The following LDLRAD4 variants were observed in gnomAD, a reference collection of about 807,000 sequenced individuals.
The protein encoded by LDLRAD4 is low-density lipoprotein receptor class A domain-containing protein 4.
LDLRAD4 carries 5 observed loss-of-function variants against 17.0 expected under a neutral mutation model. The observed-to-expected ratio is 0.29, with a 90% CI of 0.15 to 0.62. LDLRAD4 has a LOEUF of 0.62. LDLRAD4 is among the 20% of genes least tolerant of loss of function. The pLI is 0.84. For synonymous variants in LDLRAD4, 168 were observed against 171.8 expected (o/e 0.98, Z 0.17); for missense variants, 340 against 424.7 (o/e 0.80, Z 1.75).
In LDLRAD4 at chr18:13,612,979, T is replaced by C. The variant is rs557071489; in HGVS notation, c.182-8138T>C. The C allele has an allele frequency of 5.5e-4, 310 of 563,484 alleles. 2 individuals are homozygous for C. In the South Asian group the frequency reaches 6.9e-3, roughly 12 times the overall value. The allele number at this position is 563,484 out of a possible 1,614,324, so 34.9% of individuals were successfully genotyped here. On this transcript the variant is annotated intron_variant, in intron 3 of 5. Transcript: ENST00000359446. ...AGATGCATGTCAGGCTTTTTCATCT[T>C]CTTTCAAGCCTGGAATTAGTTTGTT...
chr18:13,610,695 G>C (rs1249113627), intron 3 of LDLRAD4, among the ~76,000 whole-genome samples: 1 of 152,212 alleles, frequency 6.6e-6, no homozygotes, highest in Non-Finnish European at 1.5e-5. Context: ...TGACCAGGAA[G>C]TGCTGGCCCA....
intron 3 of LDLRAD4, among the ~76,000 whole-genome samples, chr18:13,469,528 C>G (rs972643176): frequency 1.3e-5 from 2 of 152,110 alleles, no homozygotes; most frequent in African/African-American, 4.8e-5. Context: ...GGTATATACA[C>G]GTGATGAAAT....
chr18:13,226,029 T>TA (rs2041766899), intron 1 of LDLRAD4, among the ~76,000 whole-genome samples: 1 of 151,998 alleles, frequency 6.6e-6, no homozygotes, highest in African/African-American at 2.4e-5. Flanking sequence ...CTTGATAATT[T>TA]AAAAAAATGG....
chr18:13,309,322 C>T (rs944422807), intron 1 of LDLRAD4, among the ~76,000 whole-genome samples: 2 of 152,152 alleles, frequency 1.3e-5, no homozygotes, highest in Non-Finnish European at 1.5e-5. Context: ...CATCAAGTGG[C>T]CTTGGGAATT....
In LDLRAD4 at chr18:13,440,409, A is replaced by G. The variant is rs549874932; in HGVS notation, c.181+2025A>G. Among the ~76,000 whole-genome samples, 4 of 152,332 alleles carry G rather than the reference A, an allele frequency of 2.6e-5. No homozygotes were observed. Among genetic ancestry groups the G allele is most frequent in the East Asian group, 3.9e-4 (2 of 5,184 alleles). On this transcript the variant is annotated intron_variant, in intron 3 of 5. Transcript: ENST00000359446. This position sits in a 1 kb window ranked among gnomAD's most constrained non-coding sequence, Gnocchi z 4.4. ...AGCCGAGGGAGCAGTTACATCCATC[A>G]GTGGCTCAACTTTGCCCTAACAGAG... is the stretch of plus-strand genomic sequence containing the variant.
At position 13,262,974 on chromosome 18, in the gene LDLRAD4, T is replaced by TGTGGGGGCTGAGTCCCGTGCGGCTCCGTG. The variant is rs2043982762; in HGVS notation, c.-466-15131_-466-15130insGTGGGGGCTGAGTCCCGTGCGGCTCCGTG. 6.1e-4 allele frequency among the ~76,000 whole-genome samples: 7 copies of TGTGGGGGCTGAGTCCCGTGCGGCTCCGTG among 11,480 alleles called. 2 individuals are homozygous for TGTGGGGGCTGAGTCCCGTGCGGCTCCGTG. Among genetic ancestry groups the TGTGGGGGCTGAGTCCCGTGCGGCTCCGTG allele is most frequent in the African/African-American group, 2.7e-3 (6 of 2,224 alleles). 7.5% of individuals were successfully genotyped at this position (11,480 alleles called of 152,430 possible). A position where few individuals can be genotyped will look rare whatever the true frequency, so the allele number is the denominator to read the frequency against. On this transcript the variant is annotated intron_variant, in intron 1 of 5. Coordinates refer to the LDLRAD4 transcript ENST00000399848. ...GGGGCTGAGTCCCGTGCGGCTCTGT[T>TGTGGGGGCTGAGTCCCGTGCGGCTCCGTG]TGTGGGGGTTGAGTCCCGTGCGGCT...
rs150987893 is a variant in LDLRAD4 at position 13,622,004 on chromosome 18, G to T, written c.336+733G>T. Among the ~76,000 whole-genome samples, 132 of 152,316 alleles carry T rather than the reference G, an allele frequency of 8.7e-4. 1 individual carries two copies. Among genetic ancestry groups the T allele is most frequent in the African/African-American group, 2.8e-3 (117 of 41,570 alleles). On this transcript the variant is annotated intron_variant, in intron 4 of 5. Transcript: ENST00000359446. The surrounding 1 kb of genome is among the most constrained non-coding windows in gnomAD (Gnocchi z 5.3). ...GGCTTCCAGCCAGAGGGTTAGGAGCGGTGAGTTCAGCGAGCGTATAAATCC... is the reference window on the plus strand; with the variant it reads ...GGCTTCCAGCCAGAGGGTTAGGAGCTGTGAGTTCAGCGAGCGTATAAATCC...
At position 13,431,640 on chromosome 18, in the gene LDLRAD4, A is replaced by G. The variant is rs144630162; in HGVS notation, c.41-6604A>G. ...TGAGACCCATTAAAATCATCTTTTC[A>G]GCACCATAATGGGAGCGACAAACCA... On this transcript the variant is annotated intron_variant, in intron 2 of 5. Transcript: ENST00000359446. Among the ~76,000 whole-genome samples the G allele has an allele frequency of 2.3e-4, 35 of 152,350 alleles. No homozygotes were observed. In the East Asian group the frequency reaches 5.2e-3, roughly 23 times the overall value.
At chr18:13,628,652 C>G (rs1311968774) in intron 4 of LDLRAD4, among the ~76,000 whole-genome samples, 1 of 152,192 alleles carries the variant, frequency 6.6e-6, no homozygotes, top group African/African-American at 2.4e-5. Context: ...AACAGGAGGC[C>G]AAGCGGCCCG....
intron 3 of LDLRAD4, among the ~76,000 whole-genome samples, chr18:13,582,313 T>C (rs2094872537): frequency 6.6e-6 from 1 of 152,182 alleles, no homozygotes; most frequent in Admixed American, 6.5e-5. Flanking sequence ...TGTATATCAG[T>C]TCTGTGTGCA....
chr18:13,382,749 T>G (rs531132512), intron 1 of LDLRAD4: 2 of 152,172 alleles, frequency 1.3e-5, no homozygotes, highest in East Asian at 3.9e-4. Flanking sequence ...CTTCCTGTAT[T>G]CCCCCCTCTC....
rs1568082768 is a variant in LDLRAD4, at chr18:13,386,931, GATAGATAGATA to G, written c.-382-409_-382-399del. On this transcript the variant is annotated intron_variant, in intron 1 of 5. Transcript: ENST00000359446. ...AGATAGATAGATAGATAGATAGATA[GATAGATAGATA>G]GATAGATGGATGGATGGATAGATAA... is the stretch of plus-strand genomic sequence containing the variant. Among the ~76,000 whole-genome samples, 59 of 143,750 alleles carry G rather than the reference GATAGATAGATA, an allele frequency of 4.1e-4. 1 individual carries two copies. In the East Asian group the frequency reaches 1.0e-2, roughly 24 times the overall value. The allele number at this position is 143,750 out of a possible 152,430, so 94.3% of individuals were successfully genotyped here.
chr18:13,370,715 T>TTGTTTTTTTGTTTG, intron 1 of LDLRAD4, among the ~76,000 whole-genome samples: 1 of 121,004 alleles, frequency 8.3e-6, no homozygotes, highest in South Asian at 2.6e-4. Context: ...TTTGTTTTGT[T>TTGTTTTTTTGTTTG]TTTTTTTTTT....
intron 3 of LDLRAD4, among the ~76,000 whole-genome samples, chr18:13,449,575 T>A (rs2091655059): frequency 6.6e-6 from 1 of 152,230 alleles, no homozygotes; most frequent in Non-Finnish European, 1.5e-5. Context: ...AAGGCCCCTG[T>A]CTTCCTGCGG....
upstream of LDLRAD4, among the ~76,000 whole-genome samples, chr18:13,276,551 A>G (rs926171703): frequency 2.0e-5 from 3 of 152,136 alleles, no homozygotes; most frequent in African/African-American, 7.2e-5. Flanking sequence ...GAATTCATTG[A>G]CTTGTAACTG....
chr18:13,356,876 G>A (rs570391916), intron 1 of LDLRAD4, among the ~76,000 whole-genome samples: 2 of 152,354 alleles, frequency 1.3e-5, no homozygotes, highest in East Asian at 3.8e-4. Flanking sequence ...GCTCACGCCT[G>A]TAATCCCAGC....
At position 13,645,811 on chromosome 18, in the gene LDLRAD4, G is replaced by T; in HGVS notation, c.*154G>T. ...TCTTTGTTTCTGATTCCTTTTAGGGGAATTGCATGCAAACTAGACTGAAAT... is the reference window on the plus strand; with the variant it reads ...TCTTTGTTTCTGATTCCTTTTAGGGTAATTGCATGCAAACTAGACTGAAAT... On this transcript the variant is annotated 3_prime_UTR_variant, in exon 6 of 6. Transcript: ENST00000359446. The surrounding 1 kb of genome is among the most constrained non-coding windows in gnomAD (Gnocchi z 5.7). The T allele has an allele frequency of 2.0e-6, 1 of 505,240 alleles. No individual in the cohort carries two copies. Among genetic ancestry groups the T allele is most frequent in the Non-Finnish European group, 3.3e-6 (1 of 304,096 alleles). 31.3% of individuals were successfully genotyped at this position (505,240 alleles called of 1,614,324 possible).
At chr18:13,432,413 A>C (rs969066879) in intron 2 of LDLRAD4, among the ~76,000 whole-genome samples, 3 of 152,152 alleles carry the variant, frequency 2.0e-5, no homozygotes, top group Admixed American at 6.5e-5. Flanking sequence ...CTTTTTGATA[A>C]AATTGGTGTC....
intron 3 of LDLRAD4, among the ~76,000 whole-genome samples, chr18:13,439,837 G>T (rs989492944): frequency 6.6e-5 from 10 of 152,200 alleles, no homozygotes; most frequent in African/African-American, 1.9e-4. Flanking sequence ...AACCCTGCTT[G>T]TTGGCCTTTC....
Sources: allele counts gnomAD v4.1 joint callset (sites outside exome capture counted in the v4.1 genomes callset), GRCh38; gene constraint gnomAD v4.1.1; non-coding constraint Gnocchi (gnomAD v3.1); transcripts MANE v1.5; gene names NCBI Gene and HGNC (gene_info 2026-07-23, HGNC 2026-07-21).